The following FOXO1 variants were observed in gnomAD, a reference collection of about 807,000 sequenced individuals.
FOXO1 encodes the protein forkhead box protein O1.
FOXO1 carries 6 observed loss-of-function variants against 44.1 expected under a neutral mutation model. The ratio of observed to expected loss-of-function variants is 0.14; its 90% CI spans 0.07 to 0.27. FOXO1 has a LOEUF of 0.27. Among genes scored for constraint, FOXO1 ranks in the 10% least tolerant of loss-of-function variants. The pLI is 1.00. For synonymous variants in FOXO1, 380 were observed against 362.7 expected (o/e 1.05, Z -0.54); for missense variants, 737 against 888.8 (o/e 0.83, Z 2.17).
intron 1 of FOXO1, chr13:40,618,744 C>A (rs1876507168): frequency 2.3e-6 from 1 of 438,472 alleles, no homozygotes; most frequent in South Asian, 1.8e-5. Context: ...CAGGATGAAT[C>A]AGTCTAGATC....
chr13:40,647,205 T>A (rs1877538392), intron 1 of FOXO1, among the ~76,000 whole-genome samples: 1 of 152,122 alleles, frequency 6.6e-6, no homozygotes, highest in East Asian at 1.9e-4. Context: ...ATATAATTCT[T>A]CCCCTCATCC....
chr13:40,587,086 G>T (rs990619169), intron 1 of FOXO1, among the ~76,000 whole-genome samples: 3 of 152,046 alleles, frequency 2.0e-5, no homozygotes, highest in Non-Finnish European at 2.9e-5. Flanking sequence ...AGCACAGATG[G>T]GTTTCTGCAC....
intron 1 of FOXO1, among the ~76,000 whole-genome samples, chr13:40,634,656 A>T (rs1007090159): frequency 6.6e-6 from 1 of 152,148 alleles, no homozygotes; most frequent in East Asian, 1.9e-4. Flanking sequence ...ACAACAAAAA[A>T]AGAAAGCAAC....
rs572388540 is a variant in FOXO1 at position 40,560,965 on chromosome 13, G to T, written c.631-105C>A. The T allele has an allele frequency of 8.7e-7, 1 of 1,150,262 alleles. No individual in the cohort carries two copies. Among genetic ancestry groups the T allele is most frequent in the Non-Finnish European group, 1.2e-6 (1 of 827,474 alleles). The allele number at this position is 1,150,262 out of a possible 1,614,324, so 71.3% of individuals were successfully genotyped here. A position where few individuals can be genotyped will look rare whatever the true frequency, so the allele number is the denominator to read the frequency against. ...AACAAGTAAAAAATCTTAAGAGTGT[G>T]TGCTACAGATTTCCATCTGAACAGT... On this transcript the variant is annotated intron_variant, in intron 1 of 2. Transcript: ENST00000379561. The surrounding 1 kb of genome is among the most constrained non-coding windows in gnomAD (Gnocchi z 5.1).
At chr13:40,630,972 G>C (rs1025857394) in intron 1 of FOXO1, among the ~76,000 whole-genome samples, 1 of 152,172 alleles carries the variant, frequency 6.6e-6, no homozygotes, top group African/African-American at 2.4e-5. Context: ...GCTTACTAAA[G>C]TTAGGGGCAA....
intron 1 of FOXO1, among the ~76,000 whole-genome samples, chr13:40,627,479 T>C (rs1341760449): frequency 6.6e-6 from 1 of 152,138 alleles, no homozygotes; most frequent in Non-Finnish European, 1.5e-5. Context: ...TCCTTGCTAC[T>C]AAGGAGATTA....
intron 1 of FOXO1, among the ~76,000 whole-genome samples, chr13:40,607,686 A>C (rs575376930): frequency 1.3e-5 from 2 of 152,260 alleles, no homozygotes; most frequent in Non-Finnish European, 2.9e-5. Flanking sequence ...ACTTAACCCC[A>C]TTTGCCTACT....
In FOXO1 at chr13:40,666,245, A is replaced by G; in HGVS notation, c.-33T>C. 1 of 1,365,676 alleles carries G rather than the reference A, an allele frequency of 7.3e-7. No individual in the cohort carries two copies. Among genetic ancestry groups the G allele is most frequent in the Non-Finnish European group, 9.4e-7 (1 of 1,059,142 alleles). The allele number at this position is 1,365,676 out of a possible 1,614,324, so 84.6% of individuals were successfully genotyped here. A position where few individuals can be genotyped will look rare whatever the true frequency, so the allele number is the denominator to read the frequency against. On this transcript the variant is annotated 5_prime_UTR_variant, in exon 1 of 3. Coordinates refer to ENST00000379561, the MANE Select transcript of FOXO1 (RefSeq NM_002015.4). ...CCCGCCCCTCCCCCAGCCGCAGGAG[A>G]GCCAAGAGGGGGAGAACGCAGCACT...
chr13:40,655,727 C>T (rs574308235), intron 1 of FOXO1, among the ~76,000 whole-genome samples: 11 of 150,698 alleles, frequency 7.3e-5, no homozygotes, highest in African/African-American at 2.2e-4. Flanking sequence ...ACTACAGCCT[C>T]CACCTCACAG....
chr13:40,624,317 T>TTAAAAAA (rs781451856), intron 1 of FOXO1, among the ~76,000 whole-genome samples: 11 of 100,990 alleles, frequency 1.1e-4, no homozygotes, highest in East Asian at 4.8e-4. Flanking sequence ...TAATACTGCT[T>TTAAAAAA]AAAAAAAAAA....
intron 1 of FOXO1, among the ~76,000 whole-genome samples, chr13:40,601,803 G>A (rs181953837): frequency 5.9e-5 from 9 of 152,040 alleles, no homozygotes; most frequent in African/African-American, 1.2e-4. Context: ...TACCACTAAT[G>A]TCTTGATTTG....
Position 40,662,862 on chromosome 13 carries a change from T to G in FOXO1, c.630+2721A>C, listed in dbSNP as rs546648015. Among the ~76,000 whole-genome samples the G allele has an allele frequency of 6.6e-4, 101 of 152,390 alleles. 1 individual carries two copies. The highest frequency in any genetic ancestry group is 3.5e-3 in the South Asian group (17 of 4,834). ...AAAACTGGATTTAAGTTAAAATTCA[T>G]AGTAAAATTTCTCTTTTATGACTCT... On this transcript the variant is annotated intron_variant, in intron 1 of 2. Coordinates refer to ENST00000379561, the MANE Select transcript of FOXO1 (RefSeq NM_002015.4).
intron 1 of FOXO1, among the ~76,000 whole-genome samples, chr13:40,565,553 C>T (rs1262656154): frequency 6.6e-6 from 1 of 152,132 alleles, no homozygotes; most frequent in Non-Finnish European, 1.5e-5. Flanking sequence ...GGTGGGGGGG[C>T]ATGCCTGACT....
chr13:40,617,620 T>C (rs1876472934), intron 1 of FOXO1, among the ~76,000 whole-genome samples: 1 of 151,594 alleles, frequency 6.6e-6, no homozygotes. Flanking sequence ...CACGCCTTAA[T>C]AGGTCAGCAC....
intron 1 of FOXO1, among the ~76,000 whole-genome samples, chr13:40,565,783 T>C (rs1427877787): frequency 6.6e-6 from 1 of 152,262 alleles, no homozygotes; most frequent in Non-Finnish European, 1.5e-5. Context: ...TTATCACTAC[T>C]GGCATAATAG....
At chr13:40,664,710 G>C (rs1878161544) in intron 1 of FOXO1, among the ~76,000 whole-genome samples, 1 of 152,114 alleles carries the variant, frequency 6.6e-6, no homozygotes, top group African/African-American at 2.4e-5. Flanking sequence ...CCAAGTTCGG[G>C]CGCTTCCCCG....
chr13:40,556,763 G>A lies in FOXO1; in HGVS notation c.*2286C>T, dbSNP rs545236302. 43 of 152,314 alleles carry A rather than the reference G, an allele frequency of 2.8e-4. No homozygotes were observed. The highest frequency in any genetic ancestry group is 9.9e-4 in the African/African-American group (41 of 41,570). 9.4% of individuals were successfully genotyped at this position (152,314 alleles called of 1,614,324 possible). On this transcript the variant is annotated 3_prime_UTR_variant, in exon 3 of 3. Coordinates refer to ENST00000379561, the MANE Select transcript of FOXO1 (RefSeq NM_002015.4). ...TTCCTAAGAGCTACTCCATGAAGTA[G>A]TAAGATTTTAACAGTGATTTTGGCT...
At chr13:40,639,385 A>G (rs996572824) in intron 1 of FOXO1, among the ~76,000 whole-genome samples, 1 of 152,206 alleles carries the variant, frequency 6.6e-6, no homozygotes, top group Non-Finnish European at 1.5e-5. Context: ...GCCTGTCAGT[A>G]GTCCAGAGCC....
chr13:40,615,042 G>C (rs1876372640), intron 1 of FOXO1, among the ~76,000 whole-genome samples: 1 of 152,160 alleles, frequency 6.6e-6, no homozygotes, highest in Non-Finnish European at 1.5e-5. Context: ...ACTCCAGTAA[G>C]GCAGAAAAGC....
Sources: gnomAD v4.1 joint callset for allele counts (sites outside exome capture counted in the v4.1 genomes callset) on GRCh38, gnomAD v4.1.1 for gene constraint, Gnocchi (gnomAD v3.1) non-coding constraint, MANE v1.5 for transcripts, NCBI Gene and HGNC (gene_info 2026-07-23, HGNC 2026-07-21) for gene names.